PCDH11X: variants seen among roughly 807,000 people sequenced by gnomAD.
PCDH11X encodes protocadherin 11 X-linked.
A neutral mutation model predicts 53.3 loss-of-function variants in PCDH11X; 18 were observed. That is an observed-to-expected ratio of 0.34 (90% CI 0.23 to 0.50). PCDH11X has a LOEUF of 0.50. PCDH11X is among the 20% of genes least tolerant of loss of function. The pLI is 0.98. For missense variants in PCDH11X, 570 were observed against 1,032.4 expected, an observed-to-expected ratio of 0.55 and a Z score of 6.14; for synonymous variants, 279 against 393.3, an observed-to-expected ratio of 0.71 and a Z score of 3.44.
intron 8 of PCDH11X, among the ~76,000 whole-genome samples, chrX:92,313,758 G>A (rs2755337): frequency 1.8e-5 from 2 of 111,844 alleles, no homozygotes; most frequent in African/African-American, 6.5e-5. Flanking sequence ...TGTACAGCAT[G>A]TTAATGTATA....
intron 5 of PCDH11X, among the ~76,000 whole-genome samples, chrX:91,859,784 C>T (rs1938558980): frequency 9.8e-6 from 1 of 101,914 alleles, no homozygotes. Flanking sequence ...GGTGTGCAGT[C>T]TTATTTCTGA....
At chrX:91,960,609 A>G (rs950806101) in intron 6 of PCDH11X, among the ~76,000 whole-genome samples, 16 of 110,728 alleles carry the variant, frequency 1.4e-4, no homozygotes, top group Non-Finnish European at 2.3e-4. Context: ...ATTTTTGTAG[A>G]GACAGGCTTT....
chrX:92,091,709 T>C lies in PCDH11X; in HGVS notation c.3034-109666T>C, dbSNP rs979320029. ...TGGTTGACAATTGGCTGAGTTTATCTGAAGGCCTGGGATCAATAGAAAGGA... is the reference window on the plus strand; with the variant it reads ...TGGTTGACAATTGGCTGAGTTTATCCGAAGGCCTGGGATCAATAGAAAGGA... On this transcript the variant is annotated intron_variant, in intron 6 of 10. Coordinates refer to ENST00000682573, the MANE Select transcript of PCDH11X (RefSeq NM_032968.5). 3.6e-5 allele frequency among the ~76,000 whole-genome samples: 4 copies of C among 111,845 alleles called. No homozygotes were observed. The Admixed American group carries it at 3.8e-4, about 11-fold the overall frequency.
chrX:92,247,284 A>G (rs2067369253), intron 7 of PCDH11X, among the ~76,000 whole-genome samples: 1 of 111,650 alleles, frequency 9.0e-6, no homozygotes, highest in African/African-American at 3.3e-5. Context: ...TCCATGTGTC[A>G]TGCTTACTTA....
At chrX:92,132,675 GTATATATATATGTATATATA>G (rs1428481232) in intron 6 of PCDH11X, among the ~76,000 whole-genome samples, 30 of 49,482 alleles carry the variant, frequency 6.1e-4, no homozygotes, top group Middle Eastern at 7.1e-3. Flanking sequence ...ATATGTATAT[GTATATATATATGTATATATA>G]TATATATATA....
intron 1 of PCDH11X, among the ~76,000 whole-genome samples, chrX:91,807,442 T>G (rs2147553497): frequency 9.1e-6 from 1 of 110,429 alleles, no homozygotes; most frequent in South Asian, 3.9e-4. Flanking sequence ...TTGAATCAAC[T>G]AATGAGGATG....
intron 5 of PCDH11X, among the ~76,000 whole-genome samples, chrX:91,861,252 A>C (rs971088515): frequency 9.0e-6 from 1 of 111,704 alleles, no homozygotes; most frequent in African/African-American, 3.3e-5. Flanking sequence ...TAGATTTTCT[A>C]GTTTATTTGC....
At chrX:92,078,099 T>G (rs746287770) in intron 6 of PCDH11X, among the ~76,000 whole-genome samples, 28 of 109,313 alleles carry the variant, frequency 2.6e-4, no homozygotes, top group Non-Finnish European at 4.4e-4. Flanking sequence ...GGCCCTCTTC[T>G]GCGTACCTGT....
chrX:92,549,712 A>G (rs980210046), intron 10 of PCDH11X, among the ~76,000 whole-genome samples: 1 of 109,177 alleles, frequency 9.2e-6, no homozygotes, highest in Non-Finnish European at 1.9e-5. Flanking sequence ...AAAAACATCT[A>G]TGGTTCAGAA....
At chrX:92,178,251 G>T (rs1284079437) in intron 6 of PCDH11X, among the ~76,000 whole-genome samples, 1 of 111,694 alleles carries the variant, frequency 9.0e-6, no homozygotes, top group Admixed American at 9.5e-5. Context: ...GAAGAATAAT[G>T]CCTGGATTTT....
At chrX:91,927,458 T>A (rs772101378) in intron 6 of PCDH11X, among the ~76,000 whole-genome samples, 1 of 110,243 alleles carries the variant, frequency 9.1e-6, no homozygotes, top group Non-Finnish European at 1.9e-5. Flanking sequence ...TCAGAACTAG[T>A]GAATGGTAAG....
At chrX:92,281,429 C>T (rs1455711776) in intron 8 of PCDH11X, among the ~76,000 whole-genome samples, 1 of 111,837 alleles carries the variant, frequency 8.9e-6, no homozygotes, top group Non-Finnish European at 1.9e-5. Context: ...AAAAAGGAAA[C>T]TAAAACATTC....
intron 6 of PCDH11X, among the ~76,000 whole-genome samples, chrX:92,056,989 G>A (rs1198748058): frequency 1.8e-5 from 2 of 110,941 alleles, no homozygotes; most frequent in Non-Finnish European, 3.8e-5. Context: ...ATAACTAGTT[G>A]CGTCTTTAGA....
chrX:91,999,651 A>G (rs2062476671), intron 6 of PCDH11X, among the ~76,000 whole-genome samples: 1 of 110,098 alleles, frequency 9.1e-6, no homozygotes, highest in African/African-American at 3.3e-5. Flanking sequence ...CTACTTTTTA[A>G]TTGAAGAATA....
intron 8 of PCDH11X, among the ~76,000 whole-genome samples, chrX:92,331,319 C>CTTCTTCTTCTTCTTCTTCT (rs1369843764): frequency 4.5e-4 from 13 of 28,797 alleles, no homozygotes; most frequent in South Asian, 2.7e-3. Flanking sequence ...CTTCTTCTTC[C>CTTCTTCTTCTTCTTCTTCT]TCTTCTTCTT....
chrX:92,010,274 A>T (rs2147978204), intron 6 of PCDH11X, among the ~76,000 whole-genome samples: 1 of 109,707 alleles, frequency 9.1e-6, no homozygotes, highest in East Asian at 2.9e-4. Context: ...ATCAACTGTC[A>T]TTTAAAATAG....
intron 6 of PCDH11X, among the ~76,000 whole-genome samples, chrX:92,083,795 A>C (rs776599308): frequency 1.8e-5 from 2 of 111,602 alleles, no homozygotes; most frequent in African/African-American, 6.5e-5. Flanking sequence ...ATAACTCTAT[A>C]AAAAGCATCT....
chrX:92,599,887 G>A (rs1291702562), intron 10 of PCDH11X, among the ~76,000 whole-genome samples: 21 of 111,230 alleles, frequency 1.9e-4, no homozygotes, highest in Non-Finnish European at 1.9e-5. Flanking sequence ...GAGAACTGGA[G>A]CAAAGGTGAT....
chrX:92,480,808 G>T (rs1293661670), intron 10 of PCDH11X, among the ~76,000 whole-genome samples: 1 of 111,798 alleles, frequency 8.9e-6, no homozygotes, highest in Non-Finnish European at 1.9e-5. Context: ...CAGTGGCAGT[G>T]GGATCTGTCC....
Sources: gnomAD v4.1 joint callset for allele counts (sites outside exome capture counted in the v4.1 genomes callset) on GRCh38, gnomAD v4.1.1 for gene constraint, MANE v1.5 for transcripts, NCBI Gene and HGNC (gene_info 2026-07-23, HGNC 2026-07-21) for gene names.